Variants in SHMT1 observed in about 807,000 individuals in gnomAD.
SHMT1 encodes the protein serine hydroxymethyltransferase 1.
A neutral mutation model predicts 49.0 loss-of-function variants in SHMT1; 45 were observed. That is an observed-to-expected ratio of 0.92 (90% CI 0.72 to 1.18). The LOEUF is 1.18. SHMT1 is among the 50% of genes most tolerant of loss of function. The pLI is 0.00. For missense variants in SHMT1, 541 were observed against 612.4 expected (o/e 0.88, Z 1.23); for synonymous variants, 232 against 246.6 (o/e 0.94, Z 0.55).
At chr17:18,339,431 G>A (rs1984235499) in intron 7 of SHMT1, among the ~76,000 whole-genome samples, 1 of 152,072 alleles carries the variant, frequency 6.6e-6, no homozygotes, top group Non-Finnish European at 1.5e-5. Flanking sequence ...CCTGCCTCTC[G>A]AGTTCAGCAA....
chr17:18,344,853 T>C (rs1279888906), intron 5 of SHMT1, among the ~76,000 whole-genome samples: 1 of 152,170 alleles, frequency 6.6e-6, no homozygotes, highest in Non-Finnish European at 1.5e-5. Context: ...AAGGTTAATG[T>C]TGCTGTTGCT....
intron 3 of SHMT1, among the ~76,000 whole-genome samples, chr17:18,349,036 G>A (rs1985410168): frequency 6.6e-6 from 1 of 151,842 alleles, no homozygotes; most frequent in Non-Finnish European, 1.5e-5. Context: ...AATACAACAG[G>A]GATGAGCCTG....
chr17:18,335,701 G>A (rs1983717042), intron 7 of SHMT1, 26 bp from the exon 8 acceptor site: 2 of 1,462,406 alleles, frequency 1.4e-6, no homozygotes, highest in Non-Finnish European at 1.9e-6. Context: ...CATCACAGTG[G>A]GATCATAGGG....
chr17:18,337,171 GTAC>G (rs1198280929), intron 7 of SHMT1, among the ~76,000 whole-genome samples: 1 of 152,250 alleles, frequency 6.6e-6, no homozygotes, highest in African/African-American at 2.4e-5. Context: ...AAAGGGACAG[GTAC>G]TATTATTATA....
At chr17:18,331,104 G>A (rs941451036) in intron 9 of SHMT1, 2 of 318,100 alleles carry the variant, frequency 6.3e-6, no homozygotes, top group African/African-American at 2.2e-5. Flanking sequence ...GTAGCCTGTG[G>A]TAGGTTTTTC....
At chr17:18,355,396 C>G (rs1198378882) in intron 2 of SHMT1, among the ~76,000 whole-genome samples, 1 of 145,130 alleles carries the variant, frequency 6.9e-6, no homozygotes, top group Non-Finnish European at 1.5e-5. Context: ...AAAAATTAGC[C>G]GGGCATGGTG....
At chr17:18,344,644 G>A (rs1439845142) in intron 5 of SHMT1, among the ~76,000 whole-genome samples, 3 of 140,926 alleles carry the variant, frequency 2.1e-5, no homozygotes, top group African/African-American at 8.0e-5. Context: ...GTTTTTCAAA[G>A]GTTTTTCTTT....
intron 1 of SHMT1, among the ~76,000 whole-genome samples, chr17:18,361,314 A>AC (rs1491048396): frequency 4.7e-5 from 7 of 149,564 alleles, no homozygotes; most frequent in Non-Finnish European, 1.0e-4. Flanking sequence ...AAAAAAAAAA[A>AC]ACAAAAACAA....
At chr17:18,361,545 T>C (rs1207310925) in intron 1 of SHMT1, among the ~76,000 whole-genome samples, 1 of 150,970 alleles carries the variant, frequency 6.6e-6, no homozygotes, top group Admixed American at 6.6e-5. Context: ...CCCAGCACTT[T>C]GGGAGGCCGA....
intron 5 of SHMT1, among the ~76,000 whole-genome samples, chr17:18,342,702 G>A (rs537935863): frequency 3.3e-5 from 5 of 152,006 alleles, no homozygotes; most frequent in Admixed American, 3.3e-4. Context: ...TTGGGAGGCC[G>A]AGGCAGGTGG....
intron 8 of SHMT1, among the ~76,000 whole-genome samples, chr17:18,334,581 G>A (rs115169380): frequency 1.9e-3 from 293 of 152,286 alleles, no homozygotes; most frequent in African/African-American, 6.8e-3. Flanking sequence ...GCTCTCTAAG[G>A]TCAGAGCGCA....
intron 3 of SHMT1, among the ~76,000 whole-genome samples, chr17:18,351,518 G>A (rs2151597050): frequency 6.6e-6 from 1 of 152,070 alleles, no homozygotes; most frequent in African/African-American, 2.4e-5. Flanking sequence ...CAACACTTTG[G>A]GAGACAGAGG....
At chr17:18,352,008 C>T (rs971475775) in intron 3 of SHMT1, among the ~76,000 whole-genome samples, 3 of 151,956 alleles carry the variant, frequency 2.0e-5, no homozygotes, top group African/African-American at 7.3e-5. Flanking sequence ...CCATGTCCGG[C>T]TAATTTTTAA....
chr17:18,332,975 A>G (rs1983379186), intron 9 of SHMT1, 191 bp downstream of exon 9: 1 of 703,716 alleles, frequency 1.4e-6, no homozygotes, highest in Non-Finnish European at 2.5e-6. Flanking sequence ...GGCTCACCCA[A>G]GGGGGCGGCT....
chr17:18,350,021 A>G (rs1011033845), intron 3 of SHMT1, among the ~76,000 whole-genome samples: 20 of 151,512 alleles, frequency 1.3e-4, no homozygotes, highest in African/African-American at 2.7e-4. Flanking sequence ...ACTCTGTCTC[A>G]AAAAAATAAA....
chr17:18,337,240 A>G (rs1331252168), intron 7 of SHMT1, among the ~76,000 whole-genome samples: 2 of 152,198 alleles, frequency 1.3e-5, no homozygotes, highest in African/African-American at 2.4e-5. Flanking sequence ...AGCTAGCCCT[A>G]AAGTCATACA....
At chr17:18,333,462 TTTA>T (rs1983459631) in intron 8 of SHMT1, 174 bp from the exon 9 acceptor site, 2 of 286,944 alleles carry the variant, frequency 7.0e-6, no homozygotes, top group Non-Finnish European at 1.2e-5. Context: ...TTTTTTATTA[TTTA>T]TTATTTTTAT....
intron 8 of SHMT1, among the ~76,000 whole-genome samples, chr17:18,334,980 G>A (rs1196187272): frequency 6.6e-6 from 1 of 152,220 alleles, no homozygotes. Flanking sequence ...TTCATCCTGA[G>A]CCCCTTAGCG....
At position 18,328,708 on chromosome 17, in the gene SHMT1, T is replaced by C. The variant is rs1219574877; in HGVS notation, c.*42A>G. On this transcript the variant is annotated 3_prime_UTR_variant, in exon 12 of 12. Coordinates refer to ENST00000316694, the MANE Select transcript of SHMT1 (RefSeq NM_004169.5). ...AGGTGGGGGTCCTCCGGCAGGCAGCTTCCTCTGTGGCGCCAGGTGGGTCCA... is the reference window on the plus strand; with the variant it reads ...AGGTGGGGGTCCTCCGGCAGGCAGCCTCCTCTGTGGCGCCAGGTGGGTCCA... 8 of 1,548,188 alleles carry C rather than the reference T, an allele frequency of 5.2e-6. No homozygotes were observed. Among genetic ancestry groups the C allele is most frequent in the Non-Finnish European group, 6.1e-6 (7 of 1,146,944 alleles).
Sources: gnomAD v4.1 joint callset for allele counts (sites outside exome capture counted in the v4.1 genomes callset) on GRCh38, gnomAD v4.1.1 for gene constraint, MANE v1.5 for transcripts, NCBI Gene and HGNC (gene_info 2026-07-23, HGNC 2026-07-21) for gene names.